Variants in TMTC4 observed in about 807,000 individuals in gnomAD.
The protein encoded by TMTC4 is transmembrane O-mannosyltransferase targeting cadherins 4.
In TMTC4, 65 loss-of-function variants were observed where a neutral mutation model predicts 86.0. The observed-to-expected ratio is 0.76, with a 90% CI of 0.62 to 0.93. TMTC4 has a LOEUF of 0.93. TMTC4 is among the 40% of genes least tolerant of loss of function. The pLI is 0.00. For missense variants in TMTC4, 866 were observed against 948.1 expected, an observed-to-expected ratio of 0.91 and a Z score of 1.14; for synonymous variants, 379 against 382.5, an observed-to-expected ratio of 0.99 and a Z score of 0.11.
rs755034667 is a variant in TMTC4, at chr13:100,612,451, G to A, written c.2011C>T (p.His671Tyr). 2 of 1,611,520 alleles carry A rather than the reference G, an allele frequency of 1.2e-6. No homozygotes were observed. Among genetic ancestry groups the A allele is most frequent in the Non-Finnish European group, 1.7e-6 (2 of 1,179,150 alleles). Residue 671 changes from histidine (H) to tyrosine (Y), a missense_variant, in exon 17 of 19, where the codon CAC becomes TAC. His to Tyr is a moderately conservative substitution (Grantham distance 83). Transcript: ENST00000342624. ...REALELIPNDHSLMFSLANVL... is the reference protein window; with the variant it reads ...REALELIPNDYSLMFSLANVL... ...TTTGCCAACGAGAACATGAGAGAGT[G>A]ATCATTAGGTATTAATTCCAGTGCC...
chr13:100,659,554 C>A (rs761445137), intron 5 of TMTC4, among the ~76,000 whole-genome samples: 1 of 152,038 alleles, frequency 6.6e-6, no homozygotes, highest in Non-Finnish European at 1.5e-5. Context: ...CCACTTCTGT[C>A]CTCAGGGAAG....
chr13:100,625,516 CA>C lies in TMTC4; in HGVS notation c.1836+18del. On this transcript the variant is annotated intron_variant, in intron 15 of 18. Coordinates refer to ENST00000342624, the MANE Select transcript of TMTC4 (RefSeq NM_032813.5). ...TAACCCATCTTTCCTTCCACAGGCA[CA>C]GGGCACCCCGCGCTTACCAGACGCC... The C allele has an allele frequency of 6.2e-7, 1 of 1,612,786 alleles. No homozygotes were observed. Among genetic ancestry groups the C allele is most frequent in the South Asian group, 1.1e-5 (1 of 91,088 alleles).
chr13:100,673,329 G>A, intron 1 of TMTC4: 1 of 985,386 alleles, frequency 1.0e-6, no homozygotes, highest in Non-Finnish European at 1.2e-6. Context: ...GTTTCCCCTT[G>A]GAAAAATTAG....
At chr13:100,613,430 A>G (rs906112945) in intron 16 of TMTC4, among the ~76,000 whole-genome samples, 2 of 152,240 alleles carry the variant, frequency 1.3e-5, no homozygotes, top group African/African-American at 4.8e-5. Context: ...TGGTCTGCTC[A>G]GGGATAGGAA....
At chr13:100,640,163 G>A (rs530939513) in intron 7 of TMTC4, among the ~76,000 whole-genome samples, 2 of 151,642 alleles carry the variant, frequency 1.3e-5, no homozygotes, top group Non-Finnish European at 2.9e-5. Flanking sequence ...GCAGTTCTCA[G>A]GGACGATTTT....
At chr13:100,612,548 T>C (rs746454777) in intron 16 of TMTC4, 38 bp from the exon 17 acceptor site, 12 of 1,494,596 alleles carry the variant, frequency 8.0e-6, no homozygotes, top group Non-Finnish European at 1.1e-5. Flanking sequence ...GACATGTTAA[T>C]GTTGTACTCG....
chr13:100,606,572 C>A (rs549878777), intron 17 of TMTC4, 145 bp from the exon 18 acceptor site: 4 of 658,264 alleles, frequency 6.1e-6, no homozygotes, highest in African/African-American at 3.7e-5. Flanking sequence ...GAAGGCCCAG[C>A]GGGGCCACGC....
At chr13:100,623,993 C>A in intron 15 of TMTC4, 1 of 360,702 alleles carries the variant, frequency 2.8e-6, no homozygotes, top group Non-Finnish European at 5.4e-6. Context: ...TCATCATGAC[C>A]TCCATCTCTA....
intron 3 of TMTC4, chr13:100,668,375 G>C: frequency 1.7e-6 from 1 of 580,842 alleles, no homozygotes; most frequent in Non-Finnish European, 3.0e-6. Flanking sequence ...AGCTGAGGCA[G>C]GGGTTCAGAA....
chr13:100,614,246 T>C, intron 16 of TMTC4, 70 bp downstream of exon 16: 1 of 1,149,854 alleles, frequency 8.7e-7, no homozygotes, highest in Non-Finnish European at 1.3e-6. Context: ...TAATCTCTAT[T>C]TCCTAAGTCT....
intron 10 of TMTC4, 80 bp from the exon 11 acceptor site, chr13:100,635,275 G>T: frequency 7.3e-7 from 1 of 1,367,090 alleles, no homozygotes; most frequent in Non-Finnish European, 9.7e-7. Context: ...TTAAATTAAT[G>T]CTAAAGACCT....
At chr13:100,639,162 C>T (rs1478071885) in intron 7 of TMTC4, among the ~76,000 whole-genome samples, 1 of 152,146 alleles carries the variant, frequency 6.6e-6, no homozygotes, top group African/African-American at 2.4e-5. Context: ...ATATGATCTT[C>T]TTTGCGGCAA....
chr13:100,616,082 T>C (rs1878442390), intron 15 of TMTC4, among the ~76,000 whole-genome samples: 1 of 151,940 alleles, frequency 6.6e-6, no homozygotes, highest in Admixed American at 6.6e-5. Context: ...TTTCGTATGG[T>C]TGTGTGGTAT....
In TMTC4 at chr13:100,625,695, C is replaced by T. The variant is rs1178051423; in HGVS notation, c.1695-19G>A. ...GTCTGGCCTAGAGGAGCAGTTTTAACAAAGATAAACAAGAAGATGAAAGGC... is the reference window on the plus strand; with the variant it reads ...GTCTGGCCTAGAGGAGCAGTTTTAATAAAGATAAACAAGAAGATGAAAGGC... On this transcript the variant is annotated intron_variant, in intron 14 of 18. Coordinates refer to ENST00000342624, the MANE Select transcript of TMTC4 (RefSeq NM_032813.5). The T allele has an allele frequency of 1.9e-6, 3 of 1,612,120 alleles. No individual in the cohort carries two copies.
intron 15 of TMTC4, chr13:100,614,924 T>A (rs775387023): frequency 9.2e-4 from 903 of 985,266 alleles, no homozygotes; most frequent in Non-Finnish European, 1.0e-3. Context: ...ATGTGTCCAA[T>A]TCACCTTGTG....
Position 100,635,089 on chromosome 13 carries a change from T to C in TMTC4, c.1309A>G (p.Ser437Gly). 1 of 1,614,078 alleles carries C rather than the reference T, an allele frequency of 6.2e-7. No individual in the cohort carries two copies. The change falls in exon 11 of 19, where the codon AGC becomes GGC. Residue 437 changes from serine (S) to glycine (G), a missense_variant. By Grantham distance (56) the Ser-to-Gly change is moderately conservative (BLOSUM62 0). Coordinates refer to ENST00000342624, the MANE Select transcript of TMTC4 (RefSeq NM_032813.5). ...VVAERVLYLPSVGYCVLLTFG... is the reference protein window; with the variant it reads ...VVAERVLYLPGVGYCVLLTFG... ...GTCAGCAGCACACAGTACCCAACGC[T>C]GGGGAGGTAGAGGACACGCTCTGCG...
chr13:100,664,180 C>G, intron 4 of TMTC4, 41 bp downstream of exon 4: 1 of 1,531,586 alleles, frequency 6.5e-7, no homozygotes, highest in Non-Finnish European at 8.8e-7. Context: ...CACACACAAG[C>G]TGGGAGGGAC....
chr13:100,670,458 T>C lies in TMTC4; in HGVS notation c.-96A>G. 2 of 1,385,442 alleles carry C rather than the reference T, an allele frequency of 1.4e-6. No individual in the cohort carries two copies. The highest frequency in any genetic ancestry group is 2.1e-5 in the Admixed American group (1 of 47,406). The allele number at this position is 1,385,442 out of a possible 1,614,324, so 85.8% of individuals were successfully genotyped here. Reference sequence around the variant, plus strand: ...CCGCAACTCTTCCACTGCTTGTCTCTCGAGCCTCACAGCCTGGCATACGGC... The same window carrying C: ...CCGCAACTCTTCCACTGCTTGTCTCCCGAGCCTCACAGCCTGGCATACGGC... On this transcript the variant is annotated 5_prime_UTR_variant, in exon 2 of 19. Coordinates refer to ENST00000342624, the MANE Select transcript of TMTC4 (RefSeq NM_032813.5).
intron 1 of TMTC4, 141 bp downstream of exon 1, chr13:100,674,603 T>A (rs532469490): frequency 1.0e-6 from 1 of 980,690 alleles, no homozygotes; most frequent in Non-Finnish European, 1.2e-6. Flanking sequence ...CGGAACCAAC[T>A]CCTCCAGCAG....
Sources: allele counts gnomAD v4.1 joint callset (sites outside exome capture counted in the v4.1 genomes callset), GRCh38; gene constraint gnomAD v4.1.1; transcripts MANE v1.5; gene names NCBI Gene and HGNC (gene_info 2026-07-23, HGNC 2026-07-21).